Variants in SPIDR observed in about 807,000 individuals in gnomAD.
SPIDR encodes the protein scaffold protein involved in DNA repair.
Under a neutral mutation model 104.6 loss-of-function variants are expected in SPIDR, and 93 were observed. The ratio of observed to expected loss-of-function variants is 0.89; its 90% CI spans 0.75 to 1.06. The LOEUF is 1.06. SPIDR is among the 50% of genes least tolerant of loss of function. The probability of loss-of-function intolerance (pLI) is 0.00; values close to 1 mark genes in which losing one functional copy is unlikely to be tolerated. For synonymous variants in SPIDR, 431 were observed against 416.9 expected (o/e 1.03, Z -0.41); for missense variants, 1,154 against 1,111.2 (o/e 1.04, Z -0.55).
chr8:47,335,067 C>T (rs1321284345), intron 5 of SPIDR, among the ~76,000 whole-genome samples: 4 of 152,096 alleles, frequency 2.6e-5, no homozygotes, highest in African/African-American at 7.2e-5. Flanking sequence ...ATTTTACTTA[C>T]ATGTAAGCAT....
intron 14 of SPIDR, among the ~76,000 whole-genome samples, chr8:47,703,685 T>C (rs2080660329): frequency 6.6e-6 from 1 of 152,204 alleles, no homozygotes; most frequent in Admixed American, 6.5e-5. Context: ...CATTTAAAAA[T>C]GTAAGAACCT....
chr8:47,324,463 A>G (rs2047321057), intron 5 of SPIDR, among the ~76,000 whole-genome samples: 1 of 152,234 alleles, frequency 6.6e-6, no homozygotes, highest in African/African-American at 2.4e-5. Context: ...ACTCAAGACA[A>G]ATTGACAAGT....
At chr8:47,278,296 T>C (rs2036999732) in intron 1 of SPIDR, among the ~76,000 whole-genome samples, 1 of 151,420 alleles carries the variant, frequency 6.6e-6, no homozygotes, top group Non-Finnish European at 1.5e-5. Context: ...GCTGGGACTA[T>C]AGGCACATGC....
intron 10 of SPIDR, among the ~76,000 whole-genome samples, chr8:47,671,582 C>G (rs1181733964): frequency 2.1e-5 from 1 of 46,818 alleles, no homozygotes; most frequent in Non-Finnish European, 3.7e-5. Flanking sequence ...AAGACTCCAT[C>G]TCAAAATAAA....
At chr8:47,499,897 G>GT (rs1367031963) in intron 8 of SPIDR, among the ~76,000 whole-genome samples, 1 of 152,012 alleles carries the variant, frequency 6.6e-6, no homozygotes, top group Non-Finnish European at 1.5e-5. Context: ...GCAGTGTTTG[G>GT]TTTTTTGTCC....
chr8:47,521,237 A>G (rs1356685232), intron 8 of SPIDR, among the ~76,000 whole-genome samples: 3 of 152,194 alleles, frequency 2.0e-5, no homozygotes, highest in Admixed American at 1.3e-4. Context: ...TTAATTGGAC[A>G]TGCTTTGGCT....
intron 1 of SPIDR, among the ~76,000 whole-genome samples, chr8:47,263,578 C>T (rs1213568818): frequency 2.0e-5 from 3 of 152,202 alleles, no homozygotes; most frequent in African/African-American, 7.2e-5. Flanking sequence ...CTCGGCCTCC[C>T]AAAGTGCTGG....
At chr8:47,418,999 G>C (rs1199894980) in intron 7 of SPIDR, 10 of 152,222 alleles carry the variant, frequency 6.6e-5, no homozygotes, top group Non-Finnish European at 1.5e-5. Context: ...GCTTTTTGAT[G>C]TGCTGCTGGA....
chr8:47,403,903 A>C (rs1297117133), intron 6 of SPIDR, among the ~76,000 whole-genome samples: 1 of 152,226 alleles, frequency 6.6e-6, no homozygotes, highest in African/African-American at 2.4e-5. Flanking sequence ...GACAATCCTA[A>C]GCCAAAAGAA....
chr8:47,641,937 C>G (rs149980374), intron 10 of SPIDR, among the ~76,000 whole-genome samples: 5 of 152,358 alleles, frequency 3.3e-5, no homozygotes, highest in Middle Eastern at 3.4e-3. Context: ...CACCTACTTA[C>G]ATCCTAATGG....
chr8:47,338,036 T>C (rs2050089939), intron 5 of SPIDR, among the ~76,000 whole-genome samples: 1 of 152,206 alleles, frequency 6.6e-6, no homozygotes, highest in Non-Finnish European at 1.5e-5. Flanking sequence ...CTTTGATTTC[T>C]TTTTCAAGGT....
At chr8:47,442,041 A>G (rs2069548084) in intron 8 of SPIDR, among the ~76,000 whole-genome samples, 2 of 152,142 alleles carry the variant, frequency 1.3e-5, no homozygotes. Flanking sequence ...ATAGTTTTAT[A>G]TGGTGTTTTA....
intron 10 of SPIDR, among the ~76,000 whole-genome samples, chr8:47,610,379 G>A (rs2063455174): frequency 6.6e-6 from 1 of 152,112 alleles, no homozygotes; most frequent in African/African-American, 2.4e-5. Context: ...GAGTCTTCAG[G>A]GGTGGCCAGA....
chr8:47,405,762 C>T (rs1483798232), intron 6 of SPIDR, among the ~76,000 whole-genome samples: 4 of 152,150 alleles, frequency 2.6e-5, no homozygotes, highest in Non-Finnish European at 5.9e-5. Context: ...ATGGCAGGGC[C>T]TTCCTGAACT....
chr8:47,567,769 C>CTTTTCT (rs1564357116), intron 8 of SPIDR, among the ~76,000 whole-genome samples: 14 of 136,476 alleles, frequency 1.0e-4, no homozygotes, highest in Non-Finnish European at 1.1e-4. Context: ...CTTTTCTTTT[C>CTTTTCT]TTTTCTTTTT....
chr8:47,428,204 A>G (rs374452108), intron 7 of SPIDR, among the ~76,000 whole-genome samples: 1 of 152,228 alleles, frequency 6.6e-6, no homozygotes, highest in Admixed American at 6.5e-5. Flanking sequence ...GATTATAGGC[A>G]TGAACTACCA....
At chr8:47,457,238 T>C (rs1398231616) in intron 8 of SPIDR, among the ~76,000 whole-genome samples, 8 of 152,204 alleles carry the variant, frequency 5.3e-5, no homozygotes, top group Non-Finnish European at 2.9e-5. Flanking sequence ...GTATTAGTGT[T>C]CCCTTTTCAC....
intron 8 of SPIDR, among the ~76,000 whole-genome samples, chr8:47,502,915 A>G (rs2080776350): frequency 6.6e-6 from 1 of 152,208 alleles, no homozygotes; most frequent in South Asian, 2.1e-4. Flanking sequence ...ATTCAGGAGC[A>G]CGTTGTGCAG....
At chr8:47,264,395 A>G (rs541495899) in intron 1 of SPIDR, among the ~76,000 whole-genome samples, 1 of 152,230 alleles carries the variant, frequency 6.6e-6, no homozygotes, top group African/African-American at 2.4e-5. Context: ...ACATATATAG[A>G]TATGTGGTAT....
Sources: gnomAD v4.1 joint callset for allele counts (sites outside exome capture counted in the v4.1 genomes callset) on GRCh38, gnomAD v4.1.1 for gene constraint, MANE v1.5 for transcripts, NCBI Gene and HGNC (gene_info 2026-07-23, HGNC 2026-07-21) for gene names.